Variants in HACD4 observed in about 807,000 individuals in gnomAD.
HACD4 encodes the protein very-long-chain (3R)-3-hydroxyacyl-CoA dehydratase 4.
Under a neutral mutation model 33.3 loss-of-function variants are expected in HACD4, and 35 were observed. The observed-to-expected ratio is 1.05, with a 90% confidence interval of 0.80 to 1.39. HACD4 has a LOEUF of 1.39. Ranked by LOEUF, HACD4 falls within the 40% of genes most tolerant of loss-of-function variation. The pLI, the probability that HACD4 is intolerant of heterozygous loss-of-function variation, is 0.00. For missense variants in HACD4, 323 were observed against 276.5 expected (o/e 1.17, Z -1.19); for synonymous variants, 118 against 98.0 (o/e 1.20, Z -1.21).
At chr9:21,031,137 G>A (rs1818204187) in intron 1 of HACD4, among the ~76,000 whole-genome samples, 1 of 152,106 alleles carries the variant, frequency 6.6e-6, no homozygotes, top group South Asian at 2.1e-4. Context: ...ACCGCTATAT[G>A]ACTGAATCTG....
At chr9:21,020,224 G>A (rs1194877872) in intron 3 of HACD4, among the ~76,000 whole-genome samples, 4 of 134,922 alleles carry the variant, frequency 3.0e-5, no homozygotes, top group African/African-American at 8.4e-5. Flanking sequence ...GTGCAGGAGT[G>A]TTTATTATGA....
At chr9:21,019,892 T>C (rs577436913) in intron 3 of HACD4, among the ~76,000 whole-genome samples, 52 of 152,046 alleles carry the variant, frequency 3.4e-4, no homozygotes, top group Non-Finnish European at 6.6e-4. Flanking sequence ...GCAATGCAAA[T>C]AAGCACCTGC....
intron 1 of HACD4, among the ~76,000 whole-genome samples, chr9:21,030,772 G>A (rs1818192312): frequency 6.6e-6 from 1 of 152,218 alleles, no homozygotes; most frequent in African/African-American, 2.4e-5. Context: ...ACCAGAAGAG[G>A]GAAGTCAAGC....
At chr9:21,021,956 A>G (rs1375576760) in intron 3 of HACD4, among the ~76,000 whole-genome samples, 4 of 152,210 alleles carry the variant, frequency 2.6e-5, no homozygotes, top group Non-Finnish European at 5.9e-5. Context: ...AGCTAGAGGC[A>G]TCACGCTACC....
chr9:21,005,609 G>C lies in HACD4; in HGVS notation c.*1428C>G, dbSNP rs937608928. On this transcript the variant is annotated 3_prime_UTR_variant, in exon 7 of 7. Coordinates refer to ENST00000495827, the MANE Select transcript of HACD4 (RefSeq NM_001010915.5). This position sits in a 1 kb window ranked among gnomAD's most constrained non-coding sequence, Gnocchi z 4.0. ...GAAACTGACCCGGAACAATGATTCA[G>C]AGAACATCAGTGGTACCTTCTCAGT... 1 of 152,148 alleles carries C rather than the reference G, an allele frequency of 6.6e-6. No individual in the cohort carries two copies. Among genetic ancestry groups the C allele is most frequent in the African/African-American group, 2.4e-5 (1 of 41,456 alleles). The allele number at this position is 152,148 out of a possible 1,614,324, so 9.4% of individuals were successfully genotyped here.
rs746329501 is a variant in HACD4 at position 21,004,500 on chromosome 9, A to C, written c.*2537T>G. The C allele has an allele frequency of 6.6e-6, 1 of 152,208 alleles. No homozygotes were observed. The highest frequency in any genetic ancestry group is 1.5e-5 in the Non-Finnish European group (1 of 68,034). The allele number at this position is 152,208 out of a possible 1,614,324, so 9.4% of individuals were successfully genotyped here. On this transcript the variant is annotated 3_prime_UTR_variant, in exon 7 of 7. Coordinates refer to ENST00000495827, the MANE Select transcript of HACD4 (RefSeq NM_001010915.5). The surrounding 1 kb of genome is among the most constrained non-coding windows in gnomAD (Gnocchi z 4.6). ...CTTCATAAATGGGATTAGTACCTTT[A>C]CAATAAGAAATAAGGGAGAGATGGT...
chr9:21,021,049 C>T (rs140571920), intron 3 of HACD4, among the ~76,000 whole-genome samples: 3 of 152,250 alleles, frequency 2.0e-5, no homozygotes, highest in African/African-American at 7.2e-5. Context: ...TTGGCTTCAT[C>T]CCTGGGATGC....
In HACD4 at chr9:21,020,203, T is replaced by C. The variant is rs757461485; in HGVS notation, c.271-4193A>G. On this transcript the variant is annotated intron_variant, in intron 3 of 6. Coordinates refer to ENST00000495827, the MANE Select transcript of HACD4 (RefSeq NM_001010915.5). ...ATTTTAAAAATTGAGTAAAAATGTG[T>C]AAAATTAATAGTGCAGGAGTGTTTA... 5.7e-4 allele frequency among the ~76,000 whole-genome samples: 86 copies of C among 149,924 alleles called. 1 individual carries two copies. Among genetic ancestry groups the C allele is most frequent in the Non-Finnish European group, 1.0e-3 (69 of 67,634 alleles).
At chr9:21,020,262 C>G (rs1445708241) in intron 3 of HACD4, among the ~76,000 whole-genome samples, 1 of 152,008 alleles carries the variant, frequency 6.6e-6, no homozygotes, top group East Asian at 1.9e-4. Flanking sequence ...ATAATTGAAT[C>G]ATTTTAATTC....
intron 3 of HACD4, 65 bp from the exon 4 acceptor site, chr9:21,016,075 T>C: frequency 9.1e-7 from 1 of 1,098,870 alleles, no homozygotes. Context: ...AATTTTCTAA[T>C]TTTGAAAACC....
chr9:21,007,679 A>C (rs1842302570), intron 6 of HACD4, among the ~76,000 whole-genome samples: 1 of 152,230 alleles, frequency 6.6e-6, no homozygotes, highest in Admixed American at 6.5e-5. Flanking sequence ...ATATAAATGG[A>C]AACATCAGAA....
intron 4 of HACD4, among the ~76,000 whole-genome samples, chr9:21,014,616 T>A (rs1842513462): frequency 6.6e-6 from 1 of 152,142 alleles, no homozygotes; most frequent in African/African-American, 2.4e-5. Context: ...GTGATCAAAA[T>A]GTTCTAGGAT....
Position 21,016,018 on chromosome 9 carries a change from A to G in HACD4, c.271-8T>C, listed in dbSNP as rs773499012. 6.3e-7 allele frequency: 1 copy of G among 1,592,882 alleles called. No individual in the cohort carries two copies. The highest frequency in any genetic ancestry group is 8.6e-7 in the Non-Finnish European group (1 of 1,161,658). On this transcript the variant is annotated splice_polypyrimidine_tract_variant and splice_region_variant and intron_variant, in intron 3 of 6. Transcript: ENST00000495827. ...GATTATTCTTTCTGTGAGCTAACAA[A>G]GAAACAGCAAAGTCAGAAATTAGGA...
rs1247705210 is a variant in HACD4, at chr9:21,003,302, C to T, written c.*3735G>A. The T allele has an allele frequency of 1.3e-5, 2 of 151,840 alleles. No homozygotes were observed. Among genetic ancestry groups the T allele is most frequent in the Admixed American group, 6.6e-5 (1 of 15,252 alleles). 9.4% of individuals were successfully genotyped at this position (151,840 alleles called of 1,614,324 possible). A position where few individuals can be genotyped will look rare whatever the true frequency, so the allele number is the denominator to read the frequency against. ...GAAATTTTAATTTATTATAATGACCCAGTAAAGTGTAGTTTCTCTAATTTT... is the reference window on the plus strand; with the variant it reads ...GAAATTTTAATTTATTATAATGACCTAGTAAAGTGTAGTTTCTCTAATTTT... On this transcript the variant is annotated 3_prime_UTR_variant, in exon 7 of 7. Coordinates refer to ENST00000495827, the MANE Select transcript of HACD4 (RefSeq NM_001010915.5).
In HACD4 at chr9:21,006,769, T is replaced by G. The variant is rs1246838592; in HGVS notation, c.*268A>C. The G allele has an allele frequency of 3.2e-4, 125 of 388,280 alleles. No homozygotes were observed. Among genetic ancestry groups the G allele is most frequent in the Non-Finnish European group, 3.3e-5 (7 of 213,078 alleles). The allele number at this position is 388,280 out of a possible 1,614,324, so 24.1% of individuals were successfully genotyped here. On this transcript the variant is annotated 3_prime_UTR_variant, in exon 7 of 7. Coordinates refer to ENST00000495827, the MANE Select transcript of HACD4 (RefSeq NM_001010915.5). This position sits in a 1 kb window ranked among gnomAD's most constrained non-coding sequence, Gnocchi z 4.6. ...AAACTTACAGGAAAATAATCAGACT[T>G]CATACAATGTAAGTATAACTTGTAT...
chr9:21,017,887 G>A (rs1394134860), intron 3 of HACD4: 1 of 152,152 alleles, frequency 6.6e-6, no homozygotes, highest in Non-Finnish European at 1.5e-5. Context: ...TCCCTTAATT[G>A]AAGAGGACAG....
intron 4 of HACD4, among the ~76,000 whole-genome samples, chr9:21,011,900 T>A (rs1842447932): frequency 6.6e-6 from 1 of 152,198 alleles, no homozygotes; most frequent in Admixed American, 6.5e-5. Context: ...AGATCATTAA[T>A]AATTATAAAG....
In HACD4 at chr9:21,026,579, A is replaced by G; in HGVS notation, c.270+17T>C. 6.3e-7 allele frequency: 1 copy of G among 1,592,794 alleles called. No homozygotes were observed. The highest frequency in any genetic ancestry group is 8.6e-7 in the Non-Finnish European group (1 of 1,166,692). On this transcript the variant is annotated intron_variant, in intron 3 of 6. Coordinates refer to ENST00000495827, the MANE Select transcript of HACD4 (RefSeq NM_001010915.5). Reference sequence around the variant, plus strand: ...AAAATGAAACAGATTCTATAATAATATGTGATTCAAACCTACCTGCAAAAA... The same window carrying G: ...AAAATGAAACAGATTCTATAATAATGTGTGATTCAAACCTACCTGCAAAAA...
rs1817948900 is a variant in HACD4, at chr9:21,022,623, C to T, written c.270+3973G>A. Among the ~76,000 whole-genome samples the T allele has an allele frequency of 8.4e-5, 6 of 71,496 alleles. No homozygotes were observed. The South Asian group carries it at 4.5e-3, about 54-fold the overall frequency. 46.9% of individuals were successfully genotyped at this position (71,496 alleles called of 152,430 possible). On this transcript the variant is annotated intron_variant, in intron 3 of 6. Coordinates refer to ENST00000495827, the MANE Select transcript of HACD4 (RefSeq NM_001010915.5). The stretch of plus-strand genomic sequence containing the variant: ...GCCAACAGACACATGAAAAAATGCT[C>T]ATCATCACTGGCCATAGAGAAATGC...
Sources: allele counts gnomAD v4.1 joint callset (sites outside exome capture counted in the v4.1 genomes callset), GRCh38; gene constraint gnomAD v4.1.1; non-coding constraint Gnocchi (gnomAD v3.1); transcripts MANE v1.5; gene names NCBI Gene and HGNC (gene_info 2026-07-23, HGNC 2026-07-21).